The following DIPK2A variants were observed in gnomAD, a reference collection of about 807,000 sequenced individuals.
DIPK2A encodes the protein Golgi Protein of 49 kDa.
A neutral mutation model predicts 39.0 loss-of-function variants in DIPK2A; 27 were observed. The ratio of observed to expected loss-of-function variants is 0.69; its 90% CI spans 0.51 to 0.96. The LOEUF is 0.96. Among genes scored for constraint, DIPK2A ranks in the 40% least tolerant of loss-of-function variants. The pLI, the probability that DIPK2A is intolerant of heterozygous loss-of-function variation, is 0.00. For synonymous variants in DIPK2A, 298 were observed against 240.8 expected, an observed-to-expected ratio of 1.24 and a Z score of -2.20; for missense variants, 528 against 571.3, an observed-to-expected ratio of 0.92 and a Z score of 0.77.
At position 143,972,951 on chromosome 3, in the gene DIPK2A, C is replaced by T. The variant is rs1553740007; in HGVS notation, c.619C>T (p.Leu207=). 4 of 1,588,304 alleles carry T rather than the reference C, an allele frequency of 2.5e-6. No homozygotes were observed. Among genetic ancestry groups the T allele is most frequent in the Non-Finnish European group, 3.4e-6 (4 of 1,170,206 alleles). ...GGACTCGGAGCGCATGCAGCTGCTGCTGACCCTGGCCTTCAACCCCGAGCC... is the reference window on the plus strand; with the variant it reads ...GGACTCGGAGCGCATGCAGCTGCTGTTGACCCTGGCCTTCAACCCCGAGCC... ...LKDSERMQLL[L]TLAFNPEPLV... Residue 207 remains leucine, a synonymous_variant, in exon 1 of 3, where the codon CTG becomes TTG. Coordinates refer to ENST00000315691, the MANE Select transcript of DIPK2A (RefSeq NM_173552.5).
In DIPK2A at chr3:143,983,255, A is replaced by G. The variant is rs977879576; in HGVS notation, c.658-2288A>G. ...GACATCTACAGAACTCTCCACCCCAAATCAACAGAATACACATTCTTCTCA... is the reference window on the plus strand; with the variant it reads ...GACATCTACAGAACTCTCCACCCCAGATCAACAGAATACACATTCTTCTCA... On this transcript the variant is annotated intron_variant, in intron 1 of 2. Transcript: ENST00000315691. Among the ~76,000 whole-genome samples the G allele has an allele frequency of 3.9e-5, 6 of 152,192 alleles. No homozygotes were observed. In the South Asian group the frequency reaches 6.2e-4, roughly 16 times the overall value.
intron 1 of DIPK2A, among the ~76,000 whole-genome samples, chr3:143,982,823 C>T (rs1487430651): frequency 6.6e-6 from 1 of 152,008 alleles, no homozygotes; most frequent in Non-Finnish European, 1.5e-5. Context: ...AGTTAGAACC[C>T]ACCAGTGTGC....
Position 143,989,717 on chromosome 3 carries a change from C to T in DIPK2A, c.1169C>T (p.Ala390Val). 1 of 1,614,216 alleles carries T rather than the reference C, an allele frequency of 6.2e-7. No individual in the cohort carries two copies. The highest frequency in any genetic ancestry group is 1.1e-5 in the South Asian group (1 of 91,086). ...GLLHDPPSEI[A>V]KDGRLEALLD... ...CTTCATGATCCACCAAGTGAAATTG[C>T]CAAAGATGGCCGGCTCGAGGCCTTG... is the stretch of plus-strand genomic sequence containing the variant. The change falls in exon 3 of 3, where the codon GCC becomes GTC. Residue 390 changes from alanine to valine, a missense_variant. Transcript: ENST00000315691.
At position 143,989,856 on chromosome 3, in the gene DIPK2A, T is replaced by C. The variant is rs756825053; in HGVS notation, c.*15T>C. The C allele has an allele frequency of 8.2e-6, 13 of 1,587,358 alleles. No individual in the cohort carries two copies. The Admixed American group carries it at 2.2e-4, about 27-fold the overall frequency. ...ACGTGAGGTAGTCTATGGTGAACTT[T>C]TCTTTTTTTCTCCATTTAAACAGCA... On this transcript the variant is annotated 3_prime_UTR_variant, in exon 3 of 3. Coordinates refer to ENST00000315691, the MANE Select transcript of DIPK2A (RefSeq NM_173552.5).
At chr3:143,986,011 G>T (rs1202147860) in intron 2 of DIPK2A, 165 bp downstream of exon 2, 16 of 594,926 alleles carry the variant, frequency 2.7e-5, no homozygotes, top group Non-Finnish European at 3.8e-5. Context: ...GATACTCTTT[G>T]ACTTACTGGG....
intron 1 of DIPK2A, among the ~76,000 whole-genome samples, chr3:143,982,492 C>A (rs2107844617): frequency 6.6e-6 from 1 of 152,248 alleles, no homozygotes; most frequent in South Asian, 2.1e-4. Flanking sequence ...TCATATCCAG[C>A]CAAATTAAGC....
At position 143,985,734 on chromosome 3, in the gene DIPK2A, C is replaced by T. The variant is rs149092475; in HGVS notation, c.849C>T (p.Leu283=). 64 of 1,614,134 alleles carry T rather than the reference C, an allele frequency of 4.0e-5. No homozygotes were observed. In the Middle Eastern group the frequency reaches 6.6e-4, roughly 17 times the overall value. The change falls in exon 2 of 3, where the codon CTC becomes CTT. Residue 283 remains leucine (L), a synonymous_variant. Transcript: ENST00000315691. ...CAAACAATGACTTTGAATTTGCACTCTACCTCCTGGACGTCAGCTTTGACA... is the reference window on the plus strand; with the variant it reads ...CAAACAATGACTTTGAATTTGCACTTTACCTCCTGGACGTCAGCTTTGACA... ...QLTNNDFEFA[L]YLLDVSFDNF... is the part of the protein sequence containing the mutation.
chr3:143,972,799 T>C lies in DIPK2A; in HGVS notation c.467T>C (p.Leu156Pro). The C allele has an allele frequency of 6.4e-7, 1 of 1,566,666 alleles. No homozygotes were observed. The highest frequency in any genetic ancestry group is 8.6e-7 in the Non-Finnish European group (1 of 1,159,886). The change falls in exon 1 of 3, where the codon CTC becomes CCC. Residue 156 changes from leucine to proline, a missense_variant. Leu to Pro is a moderately conservative substitution (Grantham distance 98, BLOSUM62 -3). This residue lies in a region of DIPK2A where 309 missense variants were observed against 289.8 expected (regional missense o/e 1.07). Coordinates refer to ENST00000315691, the MANE Select transcript of DIPK2A (RefSeq NM_173552.5). ...FARLNGDVRLLTPEAVEGWSD... is the reference protein window; with the variant it reads ...FARLNGDVRLPTPEAVEGWSD... ...CGCCTCAACGGCGACGTGCGTCTGC[T>C]CACGCCCGAGGCGGTGGAGGGCTGG...
In DIPK2A at chr3:143,971,911, C is replaced by T. The variant is rs2107835980; in HGVS notation, c.-422C>T. Reference sequence around the variant, plus strand: ...CCTCTTCCCCTTCCGTGAGTCCCTCCTTTCCTCGCAGACCCCACTTGTCGT... The same window carrying T: ...CCTCTTCCCCTTCCGTGAGTCCCTCTTTTCCTCGCAGACCCCACTTGTCGT... On this transcript the variant is annotated 5_prime_UTR_variant, in exon 1 of 3. Coordinates refer to ENST00000315691, the MANE Select transcript of DIPK2A (RefSeq NM_173552.5). 1 of 177,012 alleles carries T rather than the reference C, an allele frequency of 5.6e-6. No homozygotes were observed. Among genetic ancestry groups the T allele is most frequent in the East Asian group, 1.4e-4 (1 of 6,936 alleles). The allele number at this position is 177,012 out of a possible 1,614,324, so 11.0% of individuals were successfully genotyped here.
intron 1 of DIPK2A, among the ~76,000 whole-genome samples, chr3:143,981,285 C>G (rs1307463559): frequency 1.3e-5 from 2 of 152,204 alleles, no homozygotes; most frequent in African/African-American, 2.4e-5. Context: ...GCATGGCATA[C>G]ATATAGATGA....
chr3:143,989,984 A>G lies in DIPK2A; in HGVS notation c.*143A>G, dbSNP rs1368165436. The G allele has an allele frequency of 4.8e-6, 3 of 627,798 alleles. No homozygotes were observed. Among genetic ancestry groups the G allele is most frequent in the Non-Finnish European group, 8.3e-6 (3 of 362,504 alleles). 38.9% of individuals were successfully genotyped at this position (627,798 alleles called of 1,614,324 possible). A position where few individuals can be genotyped will look rare whatever the true frequency, so the allele number is the denominator to read the frequency against. On this transcript the variant is annotated 3_prime_UTR_variant, in exon 3 of 3. Coordinates refer to ENST00000315691, the MANE Select transcript of DIPK2A (RefSeq NM_173552.5). ...TGCACTGATAGATCTTAATGTTAAC[A>G]TCCATCAAAATAAGACATTACTTCA...
chr3:143,978,246 C>T (rs2087758347), intron 1 of DIPK2A, among the ~76,000 whole-genome samples: 1 of 151,872 alleles, frequency 6.6e-6, no homozygotes, highest in Non-Finnish European at 1.5e-5. Flanking sequence ...TCACTCATTA[C>T]CCATATGTTA....
In DIPK2A at chr3:143,978,647, T is replaced by TATATATATCTATATATAG. The variant is rs2087776960; in HGVS notation, c.657+5666_657+5667insCTATATATAGATATATAT. ...CTATATATATATATATATCTATATA[T>TATATATATCTATATATAG]ATATATATATATCTATATATAGATA... On this transcript the variant is annotated intron_variant, in intron 1 of 2. Coordinates refer to ENST00000315691, the MANE Select transcript of DIPK2A (RefSeq NM_173552.5). 7 of 42,762 alleles carry TATATATATCTATATATAG rather than the reference T, an allele frequency of 1.6e-4. No individual in the cohort carries two copies. In the Admixed American group the frequency reaches 1.7e-3, roughly 10 times the overall value. The allele number at this position is 42,762 out of a possible 1,614,324, so 2.6% of individuals were successfully genotyped here. A position where few individuals can be genotyped will look rare whatever the true frequency, so the allele number is the denominator to read the frequency against.
In DIPK2A at chr3:143,972,827, G is replaced by C. The variant is rs768449044; in HGVS notation, c.495G>C (p.Ser165=). 1 of 1,565,420 alleles carries C rather than the reference G, an allele frequency of 6.4e-7. No homozygotes were observed. Among genetic ancestry groups the C allele is most frequent in the Non-Finnish European group, 8.6e-7 (1 of 1,158,790 alleles). Residue 165 remains serine, a synonymous_variant, in exon 1 of 3, where the codon TCG becomes TCC. Coordinates refer to ENST00000315691, the MANE Select transcript of DIPK2A (RefSeq NM_173552.5). The stretch of plus-strand genomic sequence containing the variant: ...CGCCCGAGGCGGTGGAGGGCTGGTC[G>C]GACCTGGTGCACTGCCCCTCGCAGC... ...LLTPEAVEGW[S]DLVHCPSQRL...
intron 2 of DIPK2A, among the ~76,000 whole-genome samples, chr3:143,987,263 C>G (rs1377372407): frequency 6.6e-6 from 1 of 152,038 alleles, no homozygotes; most frequent in Admixed American, 6.6e-5. Flanking sequence ...TTTTCCTAAG[C>G]TTAAAAAAAT....
intron 1 of DIPK2A, chr3:143,973,581 C>T: frequency 6.6e-7 from 1 of 1,520,268 alleles, no homozygotes; most frequent in South Asian, 1.2e-5. Flanking sequence ...AATCTGTGAG[C>T]CGAGCTTTGG....
At chr3:143,976,238 A>G (rs1453587604) in intron 1 of DIPK2A, among the ~76,000 whole-genome samples, 1 of 152,042 alleles carries the variant, frequency 6.6e-6, no homozygotes, top group Non-Finnish European at 1.5e-5. Flanking sequence ...AATGTTTATA[A>G]ACATCAAGCA....
At chr3:143,973,107 G>A in intron 1 of DIPK2A, 118 bp downstream of exon 1, 2 of 1,369,630 alleles carry the variant, frequency 1.5e-6, no homozygotes, top group South Asian at 1.3e-5. Context: ...GGCTGGGCCA[G>A]GCTGCAGGCG....
rs894533885 is a variant in DIPK2A at position 143,972,128 on chromosome 3, T to A, written c.-205T>A. On this transcript the variant is annotated 5_prime_UTR_variant, in exon 1 of 3. Coordinates refer to ENST00000315691, the MANE Select transcript of DIPK2A (RefSeq NM_173552.5). ...GGAGCTCGAGAGTTGTGGAGACTAG[T>A]GACTGGGAGAAGTCGCAGCCCGCTC... The A allele has an allele frequency of 7.2e-6, 3 of 418,136 alleles. No individual in the cohort carries two copies. 25.9% of individuals were successfully genotyped at this position (418,136 alleles called of 1,614,324 possible).
Sources: allele counts gnomAD v4.1 joint callset (sites outside exome capture counted in the v4.1 genomes callset), GRCh38; gene constraint gnomAD v4.1.1; regional missense constraint gnomAD v4.1.1; transcripts MANE v1.5; gene names NCBI Gene and HGNC (gene_info 2026-07-23, HGNC 2026-07-21).